GREB1: variants seen among roughly 807,000 people sequenced by gnomAD.
The protein encoded by GREB1 is protein GREB1.
Under a neutral mutation model 200.7 loss-of-function variants are expected in GREB1, and 106 were observed. The ratio of observed to expected loss-of-function variants is 0.53; its 90% CI spans 0.45 to 0.62. GREB1 has a LOEUF of 0.62. Among genes scored for constraint, GREB1 ranks in the 20% least tolerant of loss-of-function variants. GREB1 has a pLI of 0.00. For synonymous variants in GREB1, 1,132 were observed against 1,092.4 expected (o/e 1.04, Z -0.72); for missense variants, 2,243 against 2,556.8 (o/e 0.88, Z 2.65).
intron 4 of GREB1, among the ~76,000 whole-genome samples, chr2:11,572,843 G>A (rs754005415): frequency 3.9e-5 from 6 of 152,192 alleles, no homozygotes; most frequent in South Asian, 4.2e-4. Flanking sequence ...CCCTGTAGCC[G>A]TGGCTTGGTC....
At chr2:11,603,046 G>T (rs1164586846) in intron 17 of GREB1, among the ~76,000 whole-genome samples, 2 of 152,148 alleles carry the variant, frequency 1.3e-5, no homozygotes, top group Non-Finnish European at 2.9e-5. Flanking sequence ...GCTTGGAGAG[G>T]CCCCATAGCT....
chr2:11,570,670 ATATT>A (rs1678178100), intron 4 of GREB1, among the ~76,000 whole-genome samples: 1 of 151,830 alleles, frequency 6.6e-6, no homozygotes, highest in Non-Finnish European at 1.5e-5. Flanking sequence ...ATTTTTAAGG[ATATT>A]TAGAGTGTTA....
intron 1 of GREB1, among the ~76,000 whole-genome samples, chr2:11,551,516 T>C (rs957838385): frequency 2.6e-5 from 4 of 152,234 alleles, no homozygotes; most frequent in Admixed American, 2.0e-4. Context: ...ATACAATGTC[T>C]GATTTTCACC....
At chr2:11,509,343 T>G (rs1376598250) in intron 1 of GREB1, among the ~76,000 whole-genome samples, 2 of 152,180 alleles carry the variant, frequency 1.3e-5, no homozygotes, top group Non-Finnish European at 2.9e-5. Context: ...TTAAAAAAAT[T>G]AGCAACATGT....
At chr2:11,595,906 C>CTGCTAT (rs1019226044) in intron 12 of GREB1, among the ~76,000 whole-genome samples, 1 of 152,078 alleles carries the variant, frequency 6.6e-6, no homozygotes, top group Non-Finnish European at 1.5e-5. Flanking sequence ...GCCCTAGCAC[C>CTGCTAT]TGCTATGTCT....
intron 3 of GREB1, among the ~76,000 whole-genome samples, chr2:11,566,019 T>TTATATATATATATATATATA (rs60231852): frequency 6.7e-6 from 1 of 149,006 alleles, no homozygotes; most frequent in African/African-American, 2.5e-5. Context: ...ATAACTATGA[T>TTATATATATATATATATATA]TATATATATA....
Position 11,515,150 on chromosome 2 carries a change from C to T in GREB1, c.-159+32769C>T, listed in dbSNP as rs532710393. Among the ~76,000 whole-genome samples the T allele has an allele frequency of 2.4e-3, 359 of 150,580 alleles. 1 individual carries two copies. The highest frequency in any genetic ancestry group is 7.1e-3 in the South Asian group (34 of 4,766). Reference sequence around the variant, plus strand: ...TCCATCCATCCACCCACCCCCCATCCGTCCATCTATCCATCCATCCATCCA... The same window carrying T: ...TCCATCCATCCACCCACCCCCCATCTGTCCATCTATCCATCCATCCATCCA... On this transcript the variant is annotated intron_variant, in intron 1 of 2. Coordinates refer to the GREB1 transcript ENST00000628795.
At chr2:11,511,924 T>G (rs1173942103) in intron 1 of GREB1, among the ~76,000 whole-genome samples, 2 of 152,106 alleles carry the variant, frequency 1.3e-5, no homozygotes, top group African/African-American at 4.8e-5. Flanking sequence ...GTGACTGTTA[T>G]TACCACCCAC....
chr2:11,568,785 G>A (rs1677959943), intron 4 of GREB1, among the ~76,000 whole-genome samples: 1 of 152,270 alleles, frequency 6.6e-6, no homozygotes, highest in African/African-American at 2.4e-5. Flanking sequence ...AGGAGAGGAA[G>A]TGTAGGAGCT....
chr2:11,567,270 G>C (rs1475367475), intron 4 of GREB1, among the ~76,000 whole-genome samples: 2 of 152,104 alleles, frequency 1.3e-5, no homozygotes, highest in Non-Finnish European at 2.9e-5. Flanking sequence ...TATTACAGGT[G>C]TGCACCACCA....
intron 4 of GREB1, among the ~76,000 whole-genome samples, chr2:11,575,508 A>C (rs1678759017): frequency 6.6e-6 from 1 of 152,174 alleles, no homozygotes; most frequent in Non-Finnish European, 1.5e-5. Flanking sequence ...AGCTGATGGA[A>C]GCCTCCATCA....
At chr2:11,558,427 G>A (rs1156421129) in intron 2 of GREB1, among the ~76,000 whole-genome samples, 1 of 152,188 alleles carries the variant, frequency 6.6e-6, no homozygotes, top group Non-Finnish European at 1.5e-5. Context: ...CAGCGCTGAG[G>A]CTTAAGCCTT....
chr2:11,612,539 C>G lies in GREB1; in HGVS notation c.3051C>G (p.Tyr1017Ter), dbSNP rs1275785093. The change falls in exon 19 of 33, where the codon TAC (tyrosine) becomes TAG (stop). Residue 1017 changes from tyrosine (Y) to a stop codon, truncating the protein, a stop_gained. Coordinates refer to ENST00000381486, the MANE Select transcript of GREB1 (RefSeq NM_014668.4). LOFTEE classifies it high-confidence loss of function. ...ATGTGGAGTGGAGACCCCAGACTTA[C>G]TTGGAGCTGGAGGGTCTGCCTTGCA... ...IEDVEWRPQT[Y>*]LELEGLPCIL... The G allele has an allele frequency of 6.2e-7, 1 of 1,612,960 alleles. No individual in the cohort carries two copies. Among genetic ancestry groups the G allele is most frequent in the African/African-American group, 1.3e-5 (1 of 74,890 alleles).
intron 15 of GREB1, among the ~76,000 whole-genome samples, chr2:11,599,519 ATT>A (rs11367888): frequency 1.7e-3 from 165 of 99,726 alleles, no homozygotes; most frequent in East Asian, 5.5e-3. Context: ...TCGTTTTTGT[ATT>A]TTTTTTTTTT....
chr2:11,490,009 CTA>C lies in GREB1; in HGVS notation c.-159+7630_-159+7631del, dbSNP rs534382026. Among the ~76,000 whole-genome samples the C allele has an allele frequency of 1.3e-3, 196 of 149,186 alleles. 3 individuals carry two copies. The highest frequency in any genetic ancestry group is 6.8e-4 in the Non-Finnish European group (46 of 67,448). On this transcript the variant is annotated intron_variant, in intron 1 of 2. Transcript: ENST00000628795. The stretch of plus-strand genomic sequence containing the variant: ...TGTAATTGTATTACAATTATATACT[CTA>C]TTATATTACAATTATATATGTTATA...
chr2:11,595,706 T>A lies in GREB1; in HGVS notation c.1825+327T>A. 1.3e-5 allele frequency among the ~76,000 whole-genome samples: 2 copies of A among 152,100 alleles called. 1 individual carries two copies. The highest frequency in any genetic ancestry group is 4.1e-4 in the South Asian group (2 of 4,828). ...CAGCCTTGGTGGCCTCTCTTCCCTG[T>A]CTCCCCTTTTTGCTGGAGAGTTCCG... On this transcript the variant is annotated intron_variant, in intron 12 of 32. Transcript: ENST00000381486.
At chr2:11,635,830 T>C (rs547839448) in intron 30 of GREB1, among the ~76,000 whole-genome samples, 6 of 152,290 alleles carry the variant, frequency 3.9e-5, no homozygotes, top group African/African-American at 1.4e-4. Flanking sequence ...GGTATGATTA[T>C]GTGTGTTCCA....
intron 3 of GREB1, 48 bp downstream of exon 3, chr2:11,562,630 G>A (rs375971101): frequency 3.7e-5 from 57 of 1,525,548 alleles, no homozygotes; most frequent in East Asian, 9.7e-5. Flanking sequence ...CATGCTGCCC[G>A]GAGGCAGTGG....
At chr2:11,593,804 C>T (rs1002900815) in intron 11 of GREB1, among the ~76,000 whole-genome samples, 1 of 152,022 alleles carries the variant, frequency 6.6e-6, no homozygotes, top group African/African-American at 2.4e-5. Context: ...ATTGAGGCCC[C>T]ACATGTACAG....
Sources: gnomAD v4.1 joint callset for allele counts (sites outside exome capture counted in the v4.1 genomes callset) on GRCh38, gnomAD v4.1.1 for gene constraint, MANE v1.5 for transcripts, NCBI Gene and HGNC (gene_info 2026-07-23, HGNC 2026-07-21) for gene names.